CRYL1: variants seen among roughly 807,000 people sequenced by gnomAD.
The protein encoded by CRYL1 is crystallin lambda 1.
A neutral mutation model predicts 36.6 loss-of-function variants in CRYL1; 29 were observed. The ratio of observed to expected loss-of-function variants is 0.79; its 90% CI spans 0.59 to 1.08. The LOEUF (loss-of-function observed/expected upper bound fraction) is 1.08, where lower values mean the gene tolerates loss of function less well. Ranked by LOEUF, CRYL1 falls within the 50% of genes least tolerant of loss-of-function variation. CRYL1 has a pLI of 0.00. For missense variants in CRYL1, 411 were observed against 407.9 expected, an observed-to-expected ratio of 1.01 and a Z score of -0.06; for synonymous variants, 152 against 151.5, an observed-to-expected ratio of 1.00 and a Z score of -0.02.
chr13:20,510,193 T>C (rs9552220), intron 2 of CRYL1, among the ~76,000 whole-genome samples: 25,108 of 152,154 alleles, frequency 0.17, 2,409 homozygotes, highest in South Asian at 0.35. Context: ...CTTATGTCCA[T>C]ACAAAAACCT....
At chr13:20,434,858 A>C (rs2032172942) in intron 4 of CRYL1, among the ~76,000 whole-genome samples, 1 of 149,786 alleles carries the variant, frequency 6.7e-6, no homozygotes, top group South Asian at 2.1e-4. Context: ...ACTTCTCTTT[A>C]CTCTTCTCTC....
intron 3 of CRYL1, among the ~76,000 whole-genome samples, chr13:20,485,615 G>C (rs1188679068): frequency 6.6e-6 from 1 of 151,902 alleles, no homozygotes; most frequent in Non-Finnish European, 1.5e-5. Context: ...GTTGCAGGGA[G>C]CTGAGATCAC....
chr13:20,521,803 C>G (rs1166586772), intron 1 of CRYL1, among the ~76,000 whole-genome samples: 1 of 152,120 alleles, frequency 6.6e-6, no homozygotes, highest in Non-Finnish European at 1.5e-5. Context: ...AAGTATCTTT[C>G]CAGCTACAGT....
At chr13:20,519,339 C>T (rs1257454042) in intron 1 of CRYL1, among the ~76,000 whole-genome samples, 2 of 152,044 alleles carry the variant, frequency 1.3e-5, no homozygotes, top group African/African-American at 4.8e-5. Context: ...AGATGAATGG[C>T]GGTGGGGACC....
In CRYL1 at chr13:20,404,080, C is replaced by G. The variant is rs373887297; in HGVS notation, c.*49G>C. On this transcript the variant is annotated 3_prime_UTR_variant, in exon 8 of 8. Coordinates refer to ENST00000298248, the MANE Select transcript of CRYL1 (RefSeq NM_015974.3). ...GGGCTGATTAAGGGCTTGCAGTGTT[C>G]CCAAATAGGGCCTCCAATGAGAGGA... 2,823 of 1,333,020 alleles carry G rather than the reference C, an allele frequency of 2.1e-3. 8 individuals are homozygous for G. The highest frequency in any genetic ancestry group is 6.1e-3 in the South Asian group (520 of 84,756). 82.6% of individuals were successfully genotyped at this position (1,333,020 alleles called of 1,614,324 possible).
chr13:20,470,337 C>T (rs544265635), intron 3 of CRYL1, among the ~76,000 whole-genome samples: 64 of 152,276 alleles, frequency 4.2e-4, no homozygotes, highest in East Asian at 1.2e-3. Flanking sequence ...AGGCAGCGGC[C>T]GCTGCAGGGA....
At chr13:20,445,224 C>T (rs1474300895) in intron 3 of CRYL1, among the ~76,000 whole-genome samples, 2 of 152,156 alleles carry the variant, frequency 1.3e-5, no homozygotes, top group Non-Finnish European at 2.9e-5. Flanking sequence ...ATAAGGCTTA[C>T]ACTTGGCACC....
chr13:20,510,533 T>C (rs1328227079), intron 2 of CRYL1, among the ~76,000 whole-genome samples: 1 of 152,108 alleles, frequency 6.6e-6, no homozygotes, highest in Non-Finnish European at 1.5e-5. Flanking sequence ...AGTGGGATTA[T>C]TCTGTGTAAT....
At chr13:20,411,629 T>C (rs895756076) in intron 6 of CRYL1, among the ~76,000 whole-genome samples, 6 of 152,258 alleles carry the variant, frequency 3.9e-5, no homozygotes, top group African/African-American at 7.2e-5. Context: ...TCACAAGTTT[T>C]GAGGTTCTGG....
At chr13:20,439,001 A>C (rs2032292579) in intron 4 of CRYL1, among the ~76,000 whole-genome samples, 1 of 152,198 alleles carries the variant, frequency 6.6e-6, no homozygotes, top group Non-Finnish European at 1.5e-5. Flanking sequence ...CTGGCAAACA[A>C]GCTTGCATAG....
At chr13:20,468,354 T>C (rs2032985560) in intron 3 of CRYL1, among the ~76,000 whole-genome samples, 1 of 152,198 alleles carries the variant, frequency 6.6e-6, no homozygotes, top group East Asian at 1.9e-4. Context: ...CTCAAACTCC[T>C]AGGCTCAAGT....
Position 20,432,158 on chromosome 13 carries a change from AGCCG to A in CRYL1, c.573_576del (p.Gly192SerfsTer3). ...GCATATTGCAGGCGGTTCAGAACGA[AGCCG>A]GCCACCTCCTTCTGGACTCGCATGG... On this transcript the variant is annotated frameshift_variant, in exon 5 of 8. Transcript: ENST00000298248. LOFTEE classifies it high-confidence loss of function. 6.2e-7 allele frequency: 1 copy of A among 1,614,142 alleles called. No homozygotes were observed. The highest frequency in any genetic ancestry group is 8.5e-7 in the Non-Finnish European group (1 of 1,180,024).
At position 20,439,717 on chromosome 13, in the gene CRYL1, A is replaced by G. The variant is rs753137656; in HGVS notation, c.314T>C (p.Ile105Thr). The change falls in exon 4 of 8, where the codon ATT (isoleucine) becomes ACT (threonine). Residue 105 changes from isoleucine (I) to threonine (T), a missense_variant. Physicochemically the swap from Ile to Thr is moderately conservative, Grantham distance 89 (BLOSUM62 -1). Transcript: ENST00000298248. ...AATGATGGAATCTAACTGAGCAAAA[A>G]TCTTCTTCTTCAGTTCTAGATCTTC... ...VPEDLELKKKIFAQLDSIIDD... is the reference protein window; with the variant it reads ...VPEDLELKKKTFAQLDSIIDD... 1 of 1,614,074 alleles carries G rather than the reference A, an allele frequency of 6.2e-7. No individual in the cohort carries two copies. The highest frequency in any genetic ancestry group is 8.5e-7 in the Non-Finnish European group (1 of 1,179,972).
At chr13:20,455,888 C>T (rs2032671776) in intron 3 of CRYL1, among the ~76,000 whole-genome samples, 2 of 152,192 alleles carry the variant, frequency 1.3e-5, no homozygotes, top group Non-Finnish European at 2.9e-5. Flanking sequence ...TACTGTTACA[C>T]TGACACATGG....
intron 1 of CRYL1, among the ~76,000 whole-genome samples, chr13:20,520,170 A>G (rs2137521909): frequency 6.6e-6 from 1 of 152,350 alleles, no homozygotes; most frequent in East Asian, 1.9e-4. Flanking sequence ...TTTCCCTAAC[A>G]CAAAGTTAAG....
chr13:20,524,681 G>A (rs1332370563), intron 1 of CRYL1, among the ~76,000 whole-genome samples: 1 of 152,092 alleles, frequency 6.6e-6, no homozygotes. Flanking sequence ...GCGGCCCAAA[G>A]TGCACTTTTT....
At chr13:20,429,263 G>A (rs1183393004) in intron 5 of CRYL1, among the ~76,000 whole-genome samples, 2 of 152,198 alleles carry the variant, frequency 1.3e-5, no homozygotes, top group South Asian at 4.1e-4. Flanking sequence ...AGTTGCTCTT[G>A]AAAGTTTTGA....
rs528554765 is a variant in CRYL1 at position 20,521,781 on chromosome 13, A to G, written c.41+3973T>C. Among the ~76,000 whole-genome samples the G allele has an allele frequency of 2.0e-5, 3 of 152,354 alleles. No individual in the cohort carries two copies. In the South Asian group the frequency reaches 6.2e-4, roughly 32 times the overall value. On this transcript the variant is annotated intron_variant, in intron 1 of 7. Transcript: ENST00000298248. ...ACTTAATTTTGAATAAATTCACTTT[A>G]GATACATTTGAAAGTATCTTTCCAG...
intron 2 of CRYL1, among the ~76,000 whole-genome samples, chr13:20,501,684 T>C (rs890471322): frequency 6.6e-6 from 1 of 152,146 alleles, no homozygotes; most frequent in Admixed American, 6.5e-5. Flanking sequence ...TCTAGCACAC[T>C]GGAGGCAAAG....
Sources: gnomAD v4.1 joint callset for allele counts (sites outside exome capture counted in the v4.1 genomes callset) on GRCh38, gnomAD v4.1.1 for gene constraint, MANE v1.5 for transcripts, NCBI Gene and HGNC (gene_info 2026-07-23, HGNC 2026-07-21) for gene names.